Variants in ZNF831 observed in about 807,000 individuals in gnomAD.
ZNF831 encodes chromosome 20 open reading frame 174.
A neutral mutation model predicts 95.8 loss-of-function variants in ZNF831; 59 were observed. That is an observed-to-expected ratio of 0.62 (90% CI 0.50 to 0.77). The LOEUF is 0.77. Ranked by LOEUF, ZNF831 falls within the 30% of genes least tolerant of loss-of-function variation. The pLI is 0.00. For missense variants in ZNF831, 2,205 were observed against 2,164.0 expected (o/e 1.02, Z -0.38); for synonymous variants, 961 against 925.5 (o/e 1.04, Z -0.70).
Position 59,191,240 on chromosome 20 carries a change from G to A in ZNF831, c.221G>A (p.Arg74His), listed in dbSNP as rs558393472. The A allele has an allele frequency of 3.4e-5, 52 of 1,547,100 alleles. No homozygotes were observed. The African/African-American group carries it at 6.2e-4, about 18-fold the overall frequency. ...GTGCCTCCCGGGGGCCTCCAGCCCC[G>A]CGCCCCGCTAGTGACGGGCAGCCTA... ...HTVPPGGLQP[R>H]APLVTGSLDG... Residue 74 changes from arginine (R) to histidine (H), a missense_variant, in exon 2 of 6, where the codon CGC (arginine) becomes CAC (histidine). By Grantham distance (29) the Arg-to-His change is conservative. Coordinates refer to ENST00000371030, the MANE Select transcript of ZNF831 (RefSeq NM_178457.3).
rs2146592324 is a variant in ZNF831 at position 59,193,979 on chromosome 20, C to T, written c.2960C>T (p.Pro987Leu). ...TTTGTTGGGTCAGGACTGGGGACCCCTCTTTCTCCCAGCCCAGCCTCAGGC... is the reference window on the plus strand; with the variant it reads ...TTTGTTGGGTCAGGACTGGGGACCCTTCTTTCTCCCAGCCCAGCCTCAGGC... ...ASFVGSGLGT[P>L]LSPSPASGPS... Residue 987 changes from proline to leucine, a missense_variant, in exon 2 of 6, where the codon CCT (proline) becomes CTT (leucine). Pro to Leu is a moderately conservative substitution (Grantham distance 98). Coordinates refer to ENST00000371030, the MANE Select transcript of ZNF831 (RefSeq NM_178457.3). The T allele has an allele frequency of 9.8e-6, 15 of 1,537,426 alleles. No homozygotes were observed. Among genetic ancestry groups the T allele is most frequent in the Non-Finnish European group, 1.3e-5 (15 of 1,143,492 alleles).
chr20:59,172,325 T>C (rs77782068), intron 1 of ZNF831, among the ~76,000 whole-genome samples: 2 of 152,324 alleles, frequency 1.3e-5, no homozygotes, highest in African/African-American at 2.4e-5. Flanking sequence ...GGCAATGAAG[T>C]GATGCCACTT....
intron 1 of ZNF831, among the ~76,000 whole-genome samples, chr20:59,186,335 G>T (rs556627337): frequency 6.6e-6 from 1 of 152,192 alleles, no homozygotes; most frequent in Non-Finnish European, 1.5e-5. Context: ...AGACTGCTGA[G>T]CTGACGGATG....
chr20:59,229,237 T>C (rs1986596914), intron 4 of ZNF831, among the ~76,000 whole-genome samples: 1 of 152,256 alleles, frequency 6.6e-6, no homozygotes, highest in Non-Finnish European at 1.5e-5. Context: ...ATTCCACATC[T>C]TGGCTGTTGT....
At chr20:59,207,597 G>A (rs1325981259) in intron 4 of ZNF831, among the ~76,000 whole-genome samples, 1 of 152,198 alleles carries the variant, frequency 6.6e-6, no homozygotes, top group Non-Finnish European at 1.5e-5. Flanking sequence ...AAGTGGGGCT[G>A]CTTCCTGGAA....
intron 1 of ZNF831, among the ~76,000 whole-genome samples, 83 bp downstream of exon 1, chr20:59,164,290 ATT>A (rs1981080556): frequency 6.6e-6 from 1 of 152,224 alleles, no homozygotes; most frequent in African/African-American, 2.4e-5. Flanking sequence ...TTAATGATAT[ATT>A]TATCTTCAAG....
chr20:59,140,743 T>G (rs78953748), intron 1 of ZNF831, among the ~76,000 whole-genome samples: 13,908 of 152,234 alleles, frequency 0.091, 743 homozygotes, highest in Non-Finnish European at 0.12. Context: ...CATTTTTAAT[T>G]TTAGCCATTT....
intron 3 of ZNF831, among the ~76,000 whole-genome samples, chr20:59,200,464 C>T (rs1163218550): frequency 6.6e-6 from 1 of 151,978 alleles, no homozygotes; most frequent in Non-Finnish European, 1.5e-5. Flanking sequence ...TTTTGTAAAG[C>T]TTTATTAAAG....
At chr20:59,153,994 C>T (rs1432382155) in intron 2 of ZNF831, among the ~76,000 whole-genome samples, 2 of 152,136 alleles carry the variant, frequency 1.3e-5, no homozygotes, top group African/African-American at 4.8e-5. Context: ...GTGGTGGAGA[C>T]TCCTGCAGCC....
At chr20:59,154,531 A>G (rs1456466167) in intron 2 of ZNF831, among the ~76,000 whole-genome samples, 2 of 152,096 alleles carry the variant, frequency 1.3e-5, no homozygotes, top group Admixed American at 6.5e-5. Context: ...TTCAGACTCC[A>G]TGAGGAGTTC....
At chr20:59,195,803 C>T in intron 2 of ZNF831, 66 bp from the exon 3 acceptor site, 2 of 1,566,274 alleles carry the variant, frequency 1.3e-6, no homozygotes, top group East Asian at 2.3e-5. Context: ...GAGCGAGAAC[C>T]CTTTGGAGTT....
intron 4 of ZNF831, among the ~76,000 whole-genome samples, chr20:59,242,452 T>A (rs1302202712): frequency 1.3e-5 from 2 of 152,256 alleles, no homozygotes; most frequent in African/African-American, 4.8e-5. Flanking sequence ...TTTCTCCTCA[T>A]ATATCCTTTT....
At chr20:59,145,331 G>A (rs1337781681) in intron 1 of ZNF831, among the ~76,000 whole-genome samples, 2 of 152,136 alleles carry the variant, frequency 1.3e-5, no homozygotes, top group South Asian at 2.1e-4. Context: ...TTAAGGGAGA[G>A]GAGGGGTCGG....
rs1215947188 is a variant in ZNF831 at position 59,257,606 on chromosome 20, T to C, written c.*2863T>C. 1 of 152,254 alleles carries C rather than the reference T, an allele frequency of 6.6e-6. No homozygotes were observed. The highest frequency in any genetic ancestry group is 1.5e-5 in the Non-Finnish European group (1 of 68,042). The allele number at this position is 152,254 out of a possible 1,614,324, so 9.4% of individuals were successfully genotyped here. A position where few individuals can be genotyped will look rare whatever the true frequency, so the allele number is the denominator to read the frequency against. On this transcript the variant is annotated 3_prime_UTR_variant, in exon 6 of 6. Transcript: ENST00000371030. ...TCAATTGATAACTACCACAGTTTTA[T>C]ACTCTGCAAGTGTGTACTGCATGAT...
chr20:59,170,662 A>T (rs574382299), intron 1 of ZNF831, among the ~76,000 whole-genome samples: 11 of 152,188 alleles, frequency 7.2e-5, no homozygotes, highest in Admixed American at 1.3e-4. Context: ...ATGAAGAGGG[A>T]CTATAAGACA....
chr20:59,171,767 C>G (rs899094196), intron 1 of ZNF831, among the ~76,000 whole-genome samples: 1 of 152,218 alleles, frequency 6.6e-6, no homozygotes, highest in African/African-American at 2.4e-5. Context: ...AAACCCCCTC[C>G]AGTCCTCGTT....
rs139156657 is a variant in ZNF831, at chr20:59,254,849, A to G, written c.*106A>G. ...TAAACTCTATCTGTGAAACACCTAC[A>G]GATTAGGAAAGCCATTTTGAGTTAT... On this transcript the variant is annotated 3_prime_UTR_variant, in exon 6 of 6. Coordinates refer to ENST00000371030, the MANE Select transcript of ZNF831 (RefSeq NM_178457.3). This position sits in a 1 kb window ranked among gnomAD's most constrained non-coding sequence, Gnocchi z 4.5. 1.4e-3 allele frequency: 2,039 copies of G among 1,446,816 alleles called. 21 individuals are homozygous for G. The African/African-American group carries it at 0.024, about 17-fold the overall frequency. The allele number at this position is 1,446,816 out of a possible 1,614,324, so 89.6% of individuals were successfully genotyped here.
At chr20:59,170,170 A>G (rs556029085) in intron 1 of ZNF831, among the ~76,000 whole-genome samples, 1 of 152,248 alleles carries the variant, frequency 6.6e-6, no homozygotes, top group Non-Finnish European at 1.5e-5. Flanking sequence ...GGTACATAGT[A>G]GGTGTATATA....
At chr20:59,206,230 C>T (rs1489846348) in intron 3 of ZNF831, among the ~76,000 whole-genome samples, 1 of 152,046 alleles carries the variant, frequency 6.6e-6, no homozygotes, top group Non-Finnish European at 1.5e-5. Context: ...TAAATAGAAG[C>T]TCTAGTGTTT....
Sources: allele counts gnomAD v4.1 joint callset (sites outside exome capture counted in the v4.1 genomes callset), GRCh38; gene constraint gnomAD v4.1.1; non-coding constraint Gnocchi (gnomAD v3.1); transcripts MANE v1.5; gene names NCBI Gene and HGNC (gene_info 2026-07-23, HGNC 2026-07-21).